SYT16: variants seen among roughly 807,000 people sequenced by gnomAD.
The protein encoded by SYT16 is synaptotagmin-16.
SYT16 carries 42 observed loss-of-function variants against 61.4 expected under a neutral mutation model. The observed-to-expected ratio is 0.68, with a 90% CI of 0.53 to 0.89. SYT16 has a LOEUF of 0.89. SYT16 is among the 40% of genes least tolerant of loss of function. The pLI is 0.00. For missense variants in SYT16, 804 were observed against 807.3 expected, an observed-to-expected ratio of 1.00 and a Z score of 0.05; for synonymous variants, 314 against 302.3, an observed-to-expected ratio of 1.04 and a Z score of -0.40.
chr14:61,832,408 C>T (rs1307876269), intron 1 of SYT16: 6 of 501,410 alleles, frequency 1.2e-5, no homozygotes, highest in Non-Finnish European at 2.0e-5. Context: ...CCTCTATGCC[C>T]GGTGTCCCGC....
chr14:62,072,402 T>C (rs1483082349), intron 4 of SYT16, among the ~76,000 whole-genome samples: 1 of 152,156 alleles, frequency 6.6e-6, no homozygotes, highest in East Asian at 1.9e-4. Context: ...TGTGTGTGTG[T>C]ACCCCAAGAG....
chr14:61,975,236 G>A (rs949654429), intron 2 of SYT16, among the ~76,000 whole-genome samples: 1 of 151,944 alleles, frequency 6.6e-6, no homozygotes, highest in Admixed American at 6.6e-5. Flanking sequence ...CAACAAACAG[G>A]TGGTAATATA....
chr14:61,952,658 C>T (rs1454058091), intron 1 of SYT16, among the ~76,000 whole-genome samples: 1 of 152,178 alleles, frequency 6.6e-6, no homozygotes, highest in Non-Finnish European at 1.5e-5. Flanking sequence ...TGTATACCCC[C>T]AAATGTTGTG....
chr14:62,027,881 A>T (rs540931469), intron 3 of SYT16, among the ~76,000 whole-genome samples: 68 of 152,274 alleles, frequency 4.5e-4, no homozygotes, highest in Middle Eastern at 3.4e-3. Flanking sequence ...TATTTTGTGC[A>T]GGCGGTGTAT....
chr14:62,072,351 G>C lies in SYT16; in HGVS notation c.736+2536G>C, dbSNP rs534781288. Among the ~76,000 whole-genome samples the C allele has an allele frequency of 1.4e-4, 21 of 152,248 alleles. No individual in the cohort carries two copies. In the South Asian group the frequency reaches 4.1e-3, roughly 30 times the overall value. ...ACATGCATATATGTACATACAAAATGTACATGTACATGCAAACACCTGCAC... is the reference window on the plus strand; with the variant it reads ...ACATGCATATATGTACATACAAAATCTACATGTACATGCAAACACCTGCAC... On this transcript the variant is annotated intron_variant, in intron 4 of 7. Transcript: ENST00000683842.
At chr14:61,940,934 C>T (rs1282692287) in intron 1 of SYT16, among the ~76,000 whole-genome samples, 1 of 152,152 alleles carries the variant, frequency 6.6e-6, no homozygotes, top group Non-Finnish European at 1.5e-5. Flanking sequence ...CCTTCCCTTC[C>T]AGACTCCACT....
At chr14:62,059,476 G>A (rs1450747708) in intron 3 of SYT16, among the ~76,000 whole-genome samples, 1 of 150,480 alleles carries the variant, frequency 6.6e-6, no homozygotes, top group Non-Finnish European at 1.5e-5. Flanking sequence ...TTGCCTTTTT[G>A]TAAATGACAT....
chr14:62,056,594 C>T (rs2055567396), intron 3 of SYT16, among the ~76,000 whole-genome samples: 1 of 152,168 alleles, frequency 6.6e-6, no homozygotes. Flanking sequence ...TGACCTTTTG[C>T]AGAAACGCAC....
chr14:61,929,550 C>T (rs73260222), intron 1 of SYT16, among the ~76,000 whole-genome samples: 3,517 of 152,244 alleles, frequency 0.023, 151 homozygotes, highest in African/African-American at 0.079. Context: ...TTGGGCAAAA[C>T]CAAAATTGAT....
At chr14:61,891,819 T>C (rs1017108546) in intron 1 of SYT16, among the ~76,000 whole-genome samples, 4 of 152,204 alleles carry the variant, frequency 2.6e-5, no homozygotes, top group African/African-American at 9.6e-5. Flanking sequence ...CTTATTTTGG[T>C]AGAAGGTAGT....
At chr14:62,071,188 CTT>C (rs1235670753) in intron 4 of SYT16, among the ~76,000 whole-genome samples, 1 of 152,218 alleles carries the variant, frequency 6.6e-6, no homozygotes, top group Admixed American at 6.5e-5. Flanking sequence ...TGGCTTTTCT[CTT>C]TCTCTGATGT....
intron 1 of SYT16, among the ~76,000 whole-genome samples, chr14:61,968,780 C>A (rs564637633): frequency 4.6e-5 from 7 of 152,196 alleles, no homozygotes; most frequent in Non-Finnish European, 1.0e-4. Context: ...TTCAACCAAG[C>A]GCTGTGACTG....
At chr14:62,044,965 C>A (rs1326037902) in intron 3 of SYT16, among the ~76,000 whole-genome samples, 2 of 151,990 alleles carry the variant, frequency 1.3e-5, no homozygotes, top group African/African-American at 2.4e-5. Flanking sequence ...TGGTGAAACC[C>A]CATCTCTACT....
chr14:62,090,998 C>T (rs2057052405), intron 7 of SYT16, among the ~76,000 whole-genome samples: 1 of 152,168 alleles, frequency 6.6e-6, no homozygotes, highest in Non-Finnish European at 1.5e-5. Flanking sequence ...ATTCAGTTAC[C>T]TCCCACCGGG....
intron 3 of SYT16, among the ~76,000 whole-genome samples, chr14:62,007,034 T>C (rs1355942590): frequency 1.3e-5 from 2 of 152,182 alleles, no homozygotes; most frequent in African/African-American, 4.8e-5. Context: ...TAATGTAACA[T>C]GGAAGGGAAA....
In SYT16 at chr14:62,092,173, AACACACACACACACACAC is replaced by A. The variant is rs56324432; in HGVS notation, c.1624+7825_1624+7842del. 1.6e-3 allele frequency among the ~76,000 whole-genome samples: 212 copies of A among 131,394 alleles called. 1 individual carries two copies. Among genetic ancestry groups the A allele is most frequent in the Middle Eastern group, 7.8e-3 (2 of 258 alleles). 86.2% of individuals were successfully genotyped at this position (131,394 alleles called of 152,430 possible). The stretch of plus-strand genomic sequence containing the variant: ...TCATACCCATTAGGATGGCTACTAT[AACACACACACACACACAC>A]ACACACACACACACACACACACACA... On this transcript the variant is annotated intron_variant, in intron 7 of 7. Transcript: ENST00000683842.
intron 1 of SYT16, among the ~76,000 whole-genome samples, chr14:61,937,097 C>G (rs1452161136): frequency 6.6e-6 from 1 of 152,204 alleles, no homozygotes; most frequent in Non-Finnish European, 1.5e-5. Context: ...GCTGGGCTGG[C>G]TGGAGCAGGG....
At chr14:61,887,546 T>C (rs1377001113) in intron 1 of SYT16, among the ~76,000 whole-genome samples, 1 of 152,176 alleles carries the variant, frequency 6.6e-6, no homozygotes, top group Non-Finnish European at 1.5e-5. Context: ...GGAAAATCTG[T>C]TGTTTGGTAT....
intron 1 of SYT16, chr14:61,832,385 C>G: frequency 1.8e-6 from 1 of 543,882 alleles, no homozygotes; most frequent in South Asian, 1.4e-5. Context: ...CGCAGCTGCC[C>G]CACCACCGCC....
Sources: allele counts gnomAD v4.1 joint callset (sites outside exome capture counted in the v4.1 genomes callset), GRCh38; gene constraint gnomAD v4.1.1; transcripts MANE v1.5; gene names NCBI Gene and HGNC (gene_info 2026-07-23, HGNC 2026-07-21).